The following LIN7A variants were observed in gnomAD, a reference collection of about 807,000 sequenced individuals.
The protein encoded by LIN7A is lin-7 cell polarity scaffold A, also known as protein lin-7 homolog A.
Under a neutral mutation model 29.8 loss-of-function variants are expected in LIN7A, and 25 were observed. The observed-to-expected ratio is 0.84, with a 90% CI of 0.61 to 1.17. The LOEUF (loss-of-function observed/expected upper bound fraction) is 1.17. LIN7A is among the 50% of genes most tolerant of loss of function. LIN7A has a pLI of 0.00. For missense variants in LIN7A, 239 were observed against 287.0 expected (o/e 0.83, Z 1.21); for synonymous variants, 118 against 107.5 (o/e 1.10, Z -0.60).
chr12:80,886,666 A>C (rs1240673527), intron 2 of LIN7A, among the ~76,000 whole-genome samples: 1 of 152,114 alleles, frequency 6.6e-6, no homozygotes, highest in African/African-American at 2.4e-5. Flanking sequence ...CAAATTTATA[A>C]AAATGTAAGG....
chr12:80,918,267 A>G lies in LIN7A; in HGVS notation c.82+19374T>C, dbSNP rs149632447. Among the ~76,000 whole-genome samples, 1,516 of 151,862 alleles carry G rather than the reference A, an allele frequency of 1.0e-2. 17 individuals carry two copies. The highest frequency in any genetic ancestry group is 0.014 in the Non-Finnish European group (977 of 67,910). On this transcript the variant is annotated intron_variant, in intron 1 of 5. Coordinates refer to ENST00000552864, the MANE Select transcript of LIN7A (RefSeq NM_004664.4). Reference sequence around the variant, plus strand: ...TTTTTGTAGTGATGAGGCTGGTCTCAAACTCCTGAGCTCAAGCGATCCTAC... The same window carrying G: ...TTTTTGTAGTGATGAGGCTGGTCTCGAACTCCTGAGCTCAAGCGATCCTAC...
intron 1 of LIN7A, among the ~76,000 whole-genome samples, chr12:80,922,868 C>T (rs1877385912): frequency 6.6e-6 from 1 of 152,174 alleles, no homozygotes; most frequent in Admixed American, 6.5e-5. Context: ...GTATACACTA[C>T]CTGCCCATTA....
intron 2 of LIN7A, among the ~76,000 whole-genome samples, chr12:80,863,023 A>G (rs1873952639): frequency 6.6e-6 from 1 of 152,224 alleles, no homozygotes; most frequent in African/African-American, 2.4e-5. Flanking sequence ...GTTATGGTAA[A>G]TGCACCACGC....
At chr12:80,846,531 AC>A (rs1375882068) in intron 3 of LIN7A, among the ~76,000 whole-genome samples, 4 of 152,180 alleles carry the variant, frequency 2.6e-5, no homozygotes, top group Non-Finnish European at 4.4e-5. Flanking sequence ...GAGAATGAAA[AC>A]TAAAATAAAA....
At chr12:80,818,518 G>T (rs1871642880) in intron 4 of LIN7A, among the ~76,000 whole-genome samples, 1 of 152,118 alleles carries the variant, frequency 6.6e-6, no homozygotes, top group Non-Finnish European at 1.5e-5. Context: ...TAGAGTCGAG[G>T]CTCTTACCTA....
chr12:80,925,056 T>A (rs1165842257), intron 1 of LIN7A, among the ~76,000 whole-genome samples: 3 of 152,200 alleles, frequency 2.0e-5, no homozygotes, highest in Non-Finnish European at 4.4e-5. Context: ...AGTTTTACCC[T>A]CTAAAACTAT....
intron 1 of LIN7A, among the ~76,000 whole-genome samples, chr12:80,890,462 T>C (rs914291445): frequency 5.3e-5 from 8 of 152,114 alleles, no homozygotes; most frequent in Admixed American, 5.2e-4. Context: ...TTAACAAGAG[T>C]ATGATACTCC....
Position 80,801,182 on chromosome 12 carries a change from A to G in LIN7A, c.*1-3456T>C, listed in dbSNP as rs557805908. Among the ~76,000 whole-genome samples the G allele has an allele frequency of 3.3e-5, 5 of 152,304 alleles. No homozygotes were observed. The East Asian group carries it at 9.6e-4, about 29-fold the overall frequency. On this transcript the variant is annotated intron_variant, in intron 5 of 5. Coordinates refer to ENST00000552864, the MANE Select transcript of LIN7A (RefSeq NM_004664.4). Reference sequence around the variant, plus strand: ...TAGCTGAAAAGTTAATTTATTCTTTATACTTCTCTACTGTCTAAAAATTTT... The same window carrying G: ...TAGCTGAAAAGTTAATTTATTCTTTGTACTTCTCTACTGTCTAAAAATTTT...
At chr12:80,921,609 C>T (rs1877313060) in intron 1 of LIN7A, among the ~76,000 whole-genome samples, 1 of 151,636 alleles carries the variant, frequency 6.6e-6, no homozygotes, top group African/African-American at 2.4e-5. Flanking sequence ...GGCTAATAAT[C>T]CCATCAGGGA....
intron 2 of LIN7A, among the ~76,000 whole-genome samples, chr12:80,870,394 CTCTT>C (rs143986519): frequency 3.3e-5 from 5 of 152,270 alleles, no homozygotes; most frequent in Non-Finnish European, 5.9e-5. Flanking sequence ...AGTATCCTCT[CTCTT>C]TCAATAAGAA....
intron 1 of LIN7A, among the ~76,000 whole-genome samples, chr12:80,895,313 T>C (rs1026479129): frequency 3.3e-5 from 5 of 152,194 alleles, no homozygotes; most frequent in African/African-American, 1.2e-4. Flanking sequence ...TTAAAAATAT[T>C]AGAATTTAAA....
In LIN7A at chr12:80,793,176, A is replaced by G. The variant is rs183769094; in HGVS notation, c.*4551T>C. The G allele has an allele frequency of 6.6e-6, 1 of 152,274 alleles. No individual in the cohort carries two copies. Among genetic ancestry groups the G allele is most frequent in the East Asian group, 1.9e-4 (1 of 5,170 alleles). The allele number at this position is 152,274 out of a possible 1,614,324, so 9.4% of individuals were successfully genotyped here. A position where few individuals can be genotyped will look rare whatever the true frequency, so the allele number is the denominator to read the frequency against. The stretch of plus-strand genomic sequence containing the variant: ...TGTGACCTTGGACAAGTCACATAAT[A>G]TATCTGTGCTTCAGTTTTTGTATCT... On this transcript the variant is annotated 3_prime_UTR_variant, in exon 6 of 6. Coordinates refer to ENST00000552864, the MANE Select transcript of LIN7A (RefSeq NM_004664.4).
At chr12:80,832,203 T>C (rs1223856621) in intron 4 of LIN7A, among the ~76,000 whole-genome samples, 2 of 152,228 alleles carry the variant, frequency 1.3e-5, no homozygotes, top group South Asian at 2.1e-4. Flanking sequence ...TTTCTACTTA[T>C]GAAAAACTTA....
intron 1 of LIN7A, among the ~76,000 whole-genome samples, chr12:80,918,373 T>A (rs1320366464): frequency 6.6e-6 from 1 of 152,088 alleles, no homozygotes; most frequent in Non-Finnish European, 1.5e-5. Flanking sequence ...GAAAGGTGGA[T>A]TCCTGAACCA....
chr12:80,835,537 G>A (rs60033875), intron 4 of LIN7A, among the ~76,000 whole-genome samples: 5,433 of 152,146 alleles, frequency 0.036, 327 homozygotes, highest in African/African-American at 0.12. Flanking sequence ...CTTAAACTGG[G>A]CGGAGAGTCT....
intron 1 of LIN7A, among the ~76,000 whole-genome samples, chr12:80,890,117 C>T (rs918941025): frequency 3.9e-5 from 6 of 152,094 alleles, no homozygotes; most frequent in African/African-American, 1.4e-4. Context: ...TTCTCTTTCA[C>T]TTAACAATAT....
At chr12:80,808,978 A>G (rs1221309111) in intron 5 of LIN7A, among the ~76,000 whole-genome samples, 1 of 144,926 alleles carries the variant, frequency 6.9e-6, no homozygotes, top group Admixed American at 6.9e-5. Context: ...TCTTCTTTTC[A>G]TTTTTTTTTT....
chr12:80,892,082 C>A (rs778593500), intron 1 of LIN7A, among the ~76,000 whole-genome samples: 1 of 152,096 alleles, frequency 6.6e-6, no homozygotes, highest in African/African-American at 2.4e-5. Context: ...TTCCATAGTT[C>A]TTTGTTCACT....
chr12:80,826,059 C>T (rs956604057), intron 4 of LIN7A, among the ~76,000 whole-genome samples: 2 of 152,068 alleles, frequency 1.3e-5, no homozygotes, highest in African/African-American at 4.8e-5. Context: ...ATAGCTATAA[C>T]ATTTAATTTA....
Sources: gnomAD v4.1 joint callset for allele counts (sites outside exome capture counted in the v4.1 genomes callset) on GRCh38, gnomAD v4.1.1 for gene constraint, MANE v1.5 for transcripts, NCBI Gene and HGNC (gene_info 2026-07-23, HGNC 2026-07-21) for gene names.